The following CPM variants were observed in gnomAD, a reference collection of about 807,000 sequenced individuals.
CPM encodes renal carboxypeptidase.
A neutral mutation model predicts 46.4 loss-of-function variants in CPM; 35 were observed. The observed-to-expected ratio is 0.75, with a 90% CI of 0.58 to 1.00. The LOEUF (loss-of-function observed/expected upper bound fraction) is 1.00. Among genes scored for constraint, CPM ranks in the 50% least tolerant of loss-of-function variants. CPM has a pLI of 0.00. For synonymous variants in CPM, 195 were observed against 195.3 expected, an observed-to-expected ratio of 1.00 and a Z score of 0.01; for missense variants, 422 against 530.4, an observed-to-expected ratio of 0.80 and a Z score of 2.01.
intron 2 of CPM, among the ~76,000 whole-genome samples, chr12:68,926,877 T>C (rs1433133293): frequency 1.3e-5 from 2 of 152,236 alleles, no homozygotes; most frequent in Non-Finnish European, 1.5e-5. Flanking sequence ...TCCATGTCCC[T>C]ACAAAGGACA....
At position 68,874,531 on chromosome 12, in the gene CPM, G is replaced by A. The variant is rs151164347; in HGVS notation, c.259-2575C>T. ...CTCAGGAGGCTCAGGCACAAGAATCGCTTGAACCTAGGAGGCGGAGGTTGC... is the reference window on the plus strand; with the variant it reads ...CTCAGGAGGCTCAGGCACAAGAATCACTTGAACCTAGGAGGCGGAGGTTGC... On this transcript the variant is annotated intron_variant, in intron 3 of 8. Transcript: ENST00000551568. 6.4e-3 allele frequency among the ~76,000 whole-genome samples: 981 copies of A among 152,184 alleles called. 18 individuals carry two copies. Among genetic ancestry groups the A allele is most frequent in the African/African-American group, 0.022 (914 of 41,514 alleles).
chr12:68,906,272 G>A (rs903323267), intron 2 of CPM, among the ~76,000 whole-genome samples: 2 of 152,130 alleles, frequency 1.3e-5, no homozygotes, highest in African/African-American at 2.4e-5. Context: ...GTAAAAAACT[G>A]CAAACTCCTG....
intron 6 of CPM, 72 bp from the exon 7 acceptor site, chr12:68,867,120 G>T: frequency 6.9e-7 from 1 of 1,451,592 alleles, no homozygotes; most frequent in South Asian, 1.2e-5. Context: ...GTGCCTCGGG[G>T]ACAAATGAAT....
intron 1 of CPM, among the ~76,000 whole-genome samples, chr12:68,958,623 C>T (rs1389422025): frequency 1.3e-5 from 2 of 152,144 alleles, no homozygotes; most frequent in African/African-American, 4.8e-5. Flanking sequence ...GTCCGAGATA[C>T]CATCGTTTCT....
At chr12:68,849,093 C>CT (rs796472865), downstream of CPM, 747 of 130,688 alleles carry the variant, frequency 5.7e-3, 3 homozygotes, top group African/African-American at 0.013. Flanking sequence ...ACGGTAGACC[C>CT]TTTTTTTTTT....
At chr12:68,876,917 T>TGA (rs1309934232) in intron 3 of CPM, among the ~76,000 whole-genome samples, 5 of 50,440 alleles carry the variant, frequency 9.9e-5, no homozygotes, top group Non-Finnish European at 3.3e-4. Flanking sequence ...TGTGTGTGTG[T>TGA]GTGAGAGAGA....
upstream of CPM, among the ~76,000 whole-genome samples, chr12:68,935,038 T>C (rs1202268177): frequency 6.6e-6 from 1 of 151,980 alleles, no homozygotes; most frequent in Non-Finnish European, 1.5e-5. Context: ...GCCTACCGAG[T>C]AGCTCGGATT....
chr12:68,928,171 A>G (rs1888349269), intron 2 of CPM, among the ~76,000 whole-genome samples: 1 of 152,254 alleles, frequency 6.6e-6, no homozygotes, highest in Non-Finnish European at 1.5e-5. Flanking sequence ...ACCAAAGCAG[A>G]GATATAAATC....
At chr12:68,872,173 T>A (rs1057301491) in intron 3 of CPM, among the ~76,000 whole-genome samples, 3 of 151,560 alleles carry the variant, frequency 2.0e-5, no homozygotes, top group African/African-American at 7.3e-5. Context: ...CTAGTAAGAG[T>A]GAAAGTACCT....
upstream of CPM, among the ~76,000 whole-genome samples, chr12:68,935,024 C>G (rs1353870952): frequency 6.6e-6 from 1 of 151,990 alleles, no homozygotes; most frequent in Non-Finnish European, 1.5e-5. Context: ...ATTCTCCTGC[C>G]TCAGCCTACC....
chr12:68,913,898 A>G (rs1215288058), intron 2 of CPM: 2 of 703,396 alleles, frequency 2.8e-6, no homozygotes, highest in African/African-American at 3.5e-5. Context: ...CTCAGTATGC[A>G]ACAAGATATC....
chr12:68,928,939 G>T (rs1193532290), intron 2 of CPM, among the ~76,000 whole-genome samples: 1 of 149,254 alleles, frequency 6.7e-6, no homozygotes, highest in Admixed American at 6.7e-5. Flanking sequence ...AAGAAATGGA[G>T]TCTCCCATGT....
Position 68,854,722 on chromosome 12 carries a change from G to T in CPM, c.*1715C>A, listed in dbSNP as rs1477345527. ...TCCCCTTCCCCAGTGCTGTGTGGAC[G>T]ATGGACTGAAGAGGAGAAGGCTGGG... On this transcript the variant is annotated 3_prime_UTR_variant, in exon 9 of 9. Coordinates refer to ENST00000551568, the MANE Select transcript of CPM (RefSeq NM_198320.5). 6.6e-6 allele frequency: 1 copy of T among 152,442 alleles called. No homozygotes were observed. The highest frequency in any genetic ancestry group is 1.5e-5 in the Non-Finnish European group (1 of 68,260). 9.4% of individuals were successfully genotyped at this position (152,442 alleles called of 1,614,324 possible). A position where few individuals can be genotyped will look rare whatever the true frequency, so the allele number is the denominator to read the frequency against.
rs118177787 is a variant in CPM, at chr12:68,852,453, C to G, written c.*3984G>C. The stretch of plus-strand genomic sequence containing the variant: ...CATCTCTTACCAGTCACAGAATCAC[C>G]GTTCAGCGTGGCGGGGGGTGGTCTC... On this transcript the variant is annotated 3_prime_UTR_variant, in exon 9 of 9. Transcript: ENST00000551568. 6.6e-6 allele frequency: 1 copy of G among 152,096 alleles called. No individual in the cohort carries two copies. Among genetic ancestry groups the G allele is most frequent in the African/African-American group, 2.4e-5 (1 of 41,410 alleles). The allele number at this position is 152,096 out of a possible 1,614,324, so 9.4% of individuals were successfully genotyped here.
Position 68,856,065 on chromosome 12 carries a change from A to G in CPM, c.*372T>C. 1 of 211,474 alleles carries G rather than the reference A, an allele frequency of 4.7e-6. No individual in the cohort carries two copies. The highest frequency in any genetic ancestry group is 9.6e-6 in the Non-Finnish European group (1 of 104,064). The allele number at this position is 211,474 out of a possible 1,614,324, so 13.1% of individuals were successfully genotyped here. On this transcript the variant is annotated 3_prime_UTR_variant, in exon 9 of 9. Transcript: ENST00000551568. ...GAAGTCTTGTATGTAGAAGATCAAT[A>G]AATGTTCATCTTCATTGCTTATATT...
At chr12:68,938,195 C>A (rs545078545) in intron 1 of CPM, among the ~76,000 whole-genome samples, 9 of 152,166 alleles carry the variant, frequency 5.9e-5, no homozygotes, top group East Asian at 3.9e-4. Flanking sequence ...AAAATCTGAA[C>A]AAGATAAAAG....
At chr12:68,913,104 G>C (rs778963387) in intron 2 of CPM, among the ~76,000 whole-genome samples, 6 of 152,160 alleles carry the variant, frequency 3.9e-5, no homozygotes, top group Admixed American at 2.0e-4. Flanking sequence ...ATGCTGTCCT[G>C]CCAACCAGCC....
intron 1 of CPM, among the ~76,000 whole-genome samples, chr12:68,942,801 A>G (rs947037911): frequency 3.9e-5 from 6 of 152,212 alleles, no homozygotes; most frequent in Non-Finnish European, 8.8e-5. Flanking sequence ...CACATTCTGT[A>G]CTGCACAGCA....
At chr12:68,962,186 C>A (rs1200227580) in intron 1 of CPM, among the ~76,000 whole-genome samples, 5 of 130,368 alleles carry the variant, frequency 3.8e-5, no homozygotes, top group Non-Finnish European at 7.9e-5. Flanking sequence ...GGCGACAGAG[C>A]GAGACTCCAT....
Sources: gnomAD v4.1 joint callset for allele counts (sites outside exome capture counted in the v4.1 genomes callset) on GRCh38, gnomAD v4.1.1 for gene constraint, MANE v1.5 for transcripts, NCBI Gene and HGNC (gene_info 2026-07-23, HGNC 2026-07-21) for gene names.